PRICKLE1: variants seen among roughly 807,000 people sequenced by gnomAD.
The protein encoded by PRICKLE1 is prickle planar cell polarity protein 1.
PRICKLE1 carries 14 observed loss-of-function variants against 70.2 expected under a neutral mutation model. That is an observed-to-expected ratio of 0.20 (90% CI 0.13 to 0.31). PRICKLE1 has a LOEUF of 0.31. Among genes scored for constraint, PRICKLE1 ranks in the 10% least tolerant of loss-of-function variants. The pLI is 1.00. For synonymous variants in PRICKLE1, 357 were observed against 379.9 expected (o/e 0.94, Z 0.70); for missense variants, 821 against 1,026.2 (o/e 0.80, Z 2.73).
At chr12:42,576,229 A>G (rs1940804683) in intron 1 of PRICKLE1, among the ~76,000 whole-genome samples, 1 of 152,258 alleles carries the variant, frequency 6.6e-6, no homozygotes. Context: ...AGAGAAGAGA[A>G]AAGAAGGCAG....
chr12:42,496,369 A>G (rs1246327492), intron 1 of PRICKLE1, among the ~76,000 whole-genome samples: 1 of 152,254 alleles, frequency 6.6e-6, no homozygotes, highest in Non-Finnish European at 1.5e-5. Flanking sequence ...GTTCCATTTA[A>G]GACCACAGAC....
intron 1 of PRICKLE1, among the ~76,000 whole-genome samples, chr12:42,563,557 G>A (rs1198386186): frequency 1.3e-5 from 2 of 151,488 alleles, no homozygotes; most frequent in African/African-American, 4.9e-5. Flanking sequence ...CAAAAAATTA[G>A]CCAGGCGTGG....
At chr12:42,513,709 T>A (rs1353081459) in intron 1 of PRICKLE1, among the ~76,000 whole-genome samples, 1 of 152,178 alleles carries the variant, frequency 6.6e-6, no homozygotes, top group East Asian at 1.9e-4. Context: ...TATTATATAA[T>A]AGGCTGGGTG....
chr12:42,539,772 G>A (rs12309460), intron 1 of PRICKLE1, among the ~76,000 whole-genome samples: 33,436 of 152,072 alleles, frequency 0.22, 3,996 homozygotes, highest in Middle Eastern at 0.29. Flanking sequence ...AGTCCTTTGT[G>A]CCTTCTTAAA....
chr12:42,500,161 G>T (rs1939280043), intron 1 of PRICKLE1, among the ~76,000 whole-genome samples: 1 of 152,088 alleles, frequency 6.6e-6, no homozygotes, highest in Non-Finnish European at 1.5e-5. Context: ...TGGCCTTTCG[G>T]ACCAAAGAGT....
intron 1 of PRICKLE1, among the ~76,000 whole-genome samples, chr12:42,567,476 T>C (rs1027666740): frequency 6.6e-6 from 1 of 152,234 alleles, no homozygotes; most frequent in African/African-American, 2.4e-5. Context: ...AATGACATTC[T>C]TCTCTATCTG....
At chr12:42,480,633 G>A (rs1001717784) in intron 1 of PRICKLE1, among the ~76,000 whole-genome samples, 1 of 152,134 alleles carries the variant, frequency 6.6e-6, no homozygotes, top group Admixed American at 6.5e-5. Context: ...GATAGCTAAG[G>A]ATTATTATCT....
Position 42,459,580 on chromosome 12 carries a change from CG to C in PRICKLE1, c.*228del. On this transcript the variant is annotated 3_prime_UTR_variant, in exon 8 of 8. Transcript: ENST00000345127. The stretch of plus-strand genomic sequence containing the variant: ...ACGTCCATCTGTAACGCACCCGCAC[CG>C]GACAGGCACGAGATGTCACGTCCAC... The C allele has an allele frequency of 1.6e-6, 1 of 632,524 alleles. No individual in the cohort carries two copies. The highest frequency in any genetic ancestry group is 2.8e-6 in the Non-Finnish European group (1 of 360,026). The allele number at this position is 632,524 out of a possible 1,614,324, so 39.2% of individuals were successfully genotyped here.
rs1938025035 is a variant in PRICKLE1 at position 42,464,861 on chromosome 12, T to G, written c.1173A>C (p.Glu391Asp). 2 of 1,614,136 alleles carry G rather than the reference T, an allele frequency of 1.2e-6. No homozygotes were observed. The highest frequency in any genetic ancestry group is 4.5e-5 in the East Asian group (2 of 44,874). ...CCTGCTCTACTCTGCCTTTCCAAAA[T>G]TCTTCACTGGCAAAACTTGTTCCTT... is the stretch of plus-strand genomic sequence containing the variant. ...SRQGTSFASE[E>D]FWKGRVEQET... The change falls in exon 7 of 8, where the codon GAA (glutamate) becomes GAC (aspartate). Residue 391 changes from glutamate to aspartate, a missense_variant. Transcript: ENST00000345127. The surrounding 1 kb of genome is among the most constrained non-coding windows in gnomAD (Gnocchi z 4.2).
At chr12:42,510,945 C>T (rs528008621) in intron 1 of PRICKLE1, among the ~76,000 whole-genome samples, 196 of 152,360 alleles carry the variant, frequency 1.3e-3, no homozygotes, top group African/African-American at 4.4e-3. Flanking sequence ...GTCTTATCAG[C>T]TGGCTCTTCA....
chr12:42,531,309 G>C (rs1413322837), intron 1 of PRICKLE1, among the ~76,000 whole-genome samples: 1 of 151,584 alleles, frequency 6.6e-6, no homozygotes, highest in Non-Finnish European at 1.5e-5. Context: ...GCCTCCCAAA[G>C]TGCTGGGATT....
intron 1 of PRICKLE1, among the ~76,000 whole-genome samples, chr12:42,479,298 A>G (rs1938700469): frequency 6.6e-6 from 1 of 152,214 alleles, no homozygotes; most frequent in South Asian, 2.1e-4. Context: ...TGAACGGCAG[A>G]CAATTTTGCC....
chr12:42,467,670 C>T (rs891429454), intron 5 of PRICKLE1, among the ~76,000 whole-genome samples: 15 of 152,144 alleles, frequency 9.9e-5, no homozygotes, highest in African/African-American at 2.9e-4. Context: ...CACTTGAACA[C>T]GCGGGGCGGA....
In PRICKLE1 at chr12:42,537,247, C is replaced by T. The variant is rs117791595; in HGVS notation, c.-49+52218G>A. 3.8e-3 allele frequency among the ~76,000 whole-genome samples: 573 copies of T among 152,102 alleles called. 3 individuals are homozygous for T. In the East Asian group the frequency reaches 0.038, roughly 10 times the overall value. ...CACAGTTCATCAATGTAGCCTCAAC[C>T]TCCTGAGCTCAAGTGATCCTTCTGC... On this transcript the variant is annotated intron_variant, in intron 1 of 7. Transcript: ENST00000345127.
intron 4 of PRICKLE1, 94 bp from the exon 5 acceptor site, chr12:42,468,923 G>T: frequency 7.8e-7 from 1 of 1,288,454 alleles, no homozygotes. Context: ...AATTTGTCAG[G>T]AATGTATTTA....
intron 5 of PRICKLE1, among the ~76,000 whole-genome samples, chr12:42,466,755 G>C (rs990226846): frequency 2.6e-5 from 4 of 151,168 alleles, no homozygotes; most frequent in African/African-American, 4.9e-5. Context: ...TGTTTTAGTA[G>C]AAAGAAAACT....
At chr12:42,539,110 G>A (rs1940063070) in intron 1 of PRICKLE1, among the ~76,000 whole-genome samples, 1 of 152,158 alleles carries the variant, frequency 6.6e-6, no homozygotes, top group African/African-American at 2.4e-5. Flanking sequence ...TATCCTGAAA[G>A]TACAAAAACT....
intron 1 of PRICKLE1, among the ~76,000 whole-genome samples, chr12:42,584,003 A>G (rs1171839829): frequency 1.3e-5 from 2 of 152,334 alleles, no homozygotes; most frequent in East Asian, 1.9e-4. Flanking sequence ...AGTCAAATAT[A>G]TCTAGTAGCT....
intron 1 of PRICKLE1, among the ~76,000 whole-genome samples, chr12:42,506,057 C>T (rs576088610): frequency 4.6e-5 from 7 of 152,122 alleles, no homozygotes; most frequent in East Asian, 1.9e-4. Flanking sequence ...TTGGTTAAGG[C>T]GAAATTCTAC....
Sources: allele counts gnomAD v4.1 joint callset (sites outside exome capture counted in the v4.1 genomes callset), GRCh38; gene constraint gnomAD v4.1.1; non-coding constraint Gnocchi (gnomAD v3.1); transcripts MANE v1.5; gene names NCBI Gene and HGNC (gene_info 2026-07-23, HGNC 2026-07-21).